Variants in SOCS7 observed in about 807,000 individuals in gnomAD.
SOCS7 encodes the protein suppressor of cytokine signaling 7.
Under a neutral mutation model 58.9 loss-of-function variants are expected in SOCS7, and 18 were observed. The ratio of observed to expected loss-of-function variants is 0.31; its 90% confidence interval spans 0.21 to 0.45. SOCS7 has a LOEUF of 0.45. SOCS7 is among the 20% of genes least tolerant of loss of function. The pLI, the probability that SOCS7 is intolerant of heterozygous loss-of-function variation, is 1.00. For synonymous variants in SOCS7, 388 were observed against 364.3 expected, an observed-to-expected ratio of 1.06 and a Z score of -0.74; for missense variants, 667 against 837.3, an observed-to-expected ratio of 0.80 and a Z score of 2.51.
At chr17:38,380,359 G>A (rs1004206809) in intron 7 of SOCS7, among the ~76,000 whole-genome samples, 3 of 151,956 alleles carry the variant, frequency 2.0e-5, no homozygotes, top group African/African-American at 7.3e-5. Flanking sequence ...GGCTGGGCTC[G>A]GTGGCTCACG....
chr17:38,355,985 G>GC (rs1555566758), intron 1 of SOCS7, among the ~76,000 whole-genome samples: 2 of 152,124 alleles, frequency 1.3e-5, no homozygotes, highest in African/African-American at 4.8e-5. Context: ...CCGGGTTCAA[G>GC]CGATTCTTCT....
At chr17:38,369,871 C>T (rs2037839261) in intron 6 of SOCS7, among the ~76,000 whole-genome samples, 2 of 151,456 alleles carry the variant, frequency 1.3e-5, no homozygotes, top group East Asian at 3.9e-4. Context: ...CTCACTGCAA[C>T]CTCCGCTTCC....
chr17:38,359,773 T>C (rs181443933), intron 1 of SOCS7, among the ~76,000 whole-genome samples: 1 of 150,944 alleles, frequency 6.6e-6, no homozygotes, highest in East Asian at 1.9e-4. Flanking sequence ...TTTAAAAAAA[T>C]TTTTAATTAA....
At chr17:38,386,347 A>AAAT (rs2038068128) in intron 7 of SOCS7, among the ~76,000 whole-genome samples, 6 of 151,128 alleles carry the variant, frequency 4.0e-5, no homozygotes, top group Admixed American at 4.0e-4. Context: ...AAAAAAAAAA[A>AAAT]ATTAGCCAGG....
intron 6 of SOCS7, among the ~76,000 whole-genome samples, chr17:38,374,773 A>G (rs1480508334): frequency 6.6e-6 from 1 of 152,228 alleles, no homozygotes; most frequent in Non-Finnish European, 1.5e-5. Flanking sequence ...TCAGTGCCAG[A>G]TGACGAGGAA....
At chr17:38,387,188 AATCCC>A (rs1183314497) in intron 7 of SOCS7, among the ~76,000 whole-genome samples, 1 of 136,138 alleles carries the variant, frequency 7.3e-6, no homozygotes, top group Non-Finnish European at 1.5e-5. Context: ...TCACGCCTGT[AATCCC>A]AGCATTTTGG....
At chr17:38,365,695 C>T (rs1597689536) in intron 4 of SOCS7, 1 of 313,450 alleles carries the variant, frequency 3.2e-6, no homozygotes, top group East Asian at 5.5e-5. Flanking sequence ...GAGTAGATAT[C>T]ACTTAAGAAA....
chr17:38,378,200 A>C (rs1026363710), intron 7 of SOCS7, among the ~76,000 whole-genome samples: 42 of 152,166 alleles, frequency 2.8e-4, no homozygotes, highest in African/African-American at 9.9e-4. Context: ...AGGAACGGGG[A>C]AGGTAGGAGA....
At chr17:38,398,618 G>T (rs772066569) in intron 9 of SOCS7, among the ~76,000 whole-genome samples, 3 of 152,186 alleles carry the variant, frequency 2.0e-5, no homozygotes, top group Non-Finnish European at 2.9e-5. Context: ...TAATTTGGGA[G>T]TTCTGAATGG....
rs549375328 is a variant in SOCS7, at chr17:38,353,378, T to C, written c.980+346T>C. On this transcript the variant is annotated intron_variant, in intron 1 of 9. Transcript: ENST00000612932. Reference sequence around the variant, plus strand: ...TGGAAGGGAGATTGCTGGAAGTGTTTGGCCTTTGGGGCAAAAAGCTGGTGT... The same window carrying C: ...TGGAAGGGAGATTGCTGGAAGTGTTCGGCCTTTGGGGCAAAAAGCTGGTGT... 2.6e-5 allele frequency among the ~76,000 whole-genome samples: 4 copies of C among 152,350 alleles called. No individual in the cohort carries two copies. In the East Asian group the frequency reaches 7.7e-4, roughly 29 times the overall value.
At chr17:38,371,964 G>A (rs1429060452) in intron 6 of SOCS7, among the ~76,000 whole-genome samples, 1 of 151,714 alleles carries the variant, frequency 6.6e-6, no homozygotes, top group African/African-American at 2.4e-5. Context: ...TCTATTTTTT[G>A]CACTCAACAC....
chr17:38,380,841 A>C (rs2037991780), intron 7 of SOCS7, among the ~76,000 whole-genome samples: 1 of 152,034 alleles, frequency 6.6e-6, no homozygotes, highest in South Asian at 2.1e-4. Context: ...TCTGGGTGAC[A>C]GAGGGAGACT....
At chr17:38,363,110 A>AG (rs2037741998) in intron 2 of SOCS7, among the ~76,000 whole-genome samples, 1 of 139,478 alleles carries the variant, frequency 7.2e-6, no homozygotes, top group African/African-American at 2.8e-5. Flanking sequence ...CCTCTGTCTC[A>AG]AAAAAAAAAA....
At chr17:38,374,213 C>G (rs920856582) in intron 6 of SOCS7, among the ~76,000 whole-genome samples, 1 of 151,848 alleles carries the variant, frequency 6.6e-6, no homozygotes, top group African/African-American at 2.4e-5. Context: ...GAGTGAGACT[C>G]TGTCTCAAAA....
Position 38,355,225 on chromosome 17 carries a change from C to T in SOCS7, c.980+2193C>T, listed in dbSNP as rs2037619660. Among the ~76,000 whole-genome samples the T allele has an allele frequency of 1.3e-4, 20 of 152,226 alleles. 1 individual carries two copies. The highest frequency in any genetic ancestry group is 1.3e-3 in the Admixed American group (20 of 15,292). On this transcript the variant is annotated intron_variant, in intron 1 of 9. Transcript: ENST00000612932. ...GATGACCAAATTTGTCACCTTCATG[C>T]TTCCCTTTTTCCCCCATCTGTAAAA...
chr17:38,395,511 G>C, intron 8 of SOCS7, 67 bp downstream of exon 8: 1 of 1,498,410 alleles, frequency 6.7e-7, no homozygotes, highest in Non-Finnish European at 9.2e-7. Context: ...AACAATGTCA[G>C]TGAGGCCTGC....
intron 6 of SOCS7, among the ~76,000 whole-genome samples, chr17:38,376,811 A>G (rs1190838943): frequency 6.6e-6 from 1 of 152,198 alleles, no homozygotes; most frequent in Non-Finnish European, 1.5e-5. Flanking sequence ...ACACAGTCAT[A>G]CACTGTTTAG....
chr17:38,405,528 T>C lies in SOCS7; in HGVS notation c.*6046T>C, dbSNP rs1469745127. ...GTTTGTATCTCCTTTTTATGATTGCTGTACCTACCCATGTCTTTTTGGGGA... is the reference window on the plus strand; with the variant it reads ...GTTTGTATCTCCTTTTTATGATTGCCGTACCTACCCATGTCTTTTTGGGGA... On this transcript the variant is annotated 3_prime_UTR_variant, in exon 10 of 10. Transcript: ENST00000612932. 1.3e-5 allele frequency: 2 copies of C among 152,238 alleles called. No homozygotes were observed. Among genetic ancestry groups the C allele is most frequent in the Non-Finnish European group, 2.9e-5 (2 of 68,046 alleles). The allele number at this position is 152,238 out of a possible 1,614,324, so 9.4% of individuals were successfully genotyped here. A position where few individuals can be genotyped will look rare whatever the true frequency, so the allele number is the denominator to read the frequency against.
chr17:38,352,628 G>T lies in SOCS7; in HGVS notation c.576G>T (p.Glu192Asp). 6.5e-7 allele frequency: 1 copy of T among 1,550,102 alleles called. No homozygotes were observed. The highest frequency in any genetic ancestry group is 8.7e-7 in the Non-Finnish European group (1 of 1,146,860). The change falls in exon 1 of 10, where the codon GAG becomes GAT. Residue 192 changes from glutamate to aspartate, a missense_variant. By Grantham distance (45) the Glu-to-Asp change is conservative (BLOSUM62 2). Around this residue, in one of 9 missense-constraint regions of SOCS7, gnomAD observed 208 missense variants for 190.3 expected, o/e 1.09. Transcript: ENST00000612932. The surrounding 1 kb of genome is among the most constrained non-coding windows in gnomAD (Gnocchi z 5.5). ...EGLESEAESL[E>D]TNSCSEEELS... ...TGGAATCGGAGGCCGAGAGCCTGGA[G>T]ACTAACAGCTGCTCGGAAGAGGAGC... is the stretch of plus-strand genomic sequence containing the variant.
Sources: gnomAD v4.1 joint callset for allele counts (sites outside exome capture counted in the v4.1 genomes callset) on GRCh38, gnomAD v4.1.1 for gene constraint, gnomAD v4.1.1 regional missense constraint, Gnocchi (gnomAD v3.1) non-coding constraint, MANE v1.5 for transcripts, NCBI Gene and HGNC (gene_info 2026-07-23, HGNC 2026-07-21) for gene names.